Variants in DGKB observed in about 807,000 individuals in gnomAD.
The protein encoded by DGKB is diacylglycerol kinase beta.
DGKB carries 67 observed loss-of-function variants against 114.3 expected under a neutral mutation model. The observed-to-expected ratio is 0.59, with a 90% CI of 0.48 to 0.72. The LOEUF is 0.72. Among genes scored for constraint, DGKB ranks in the 30% least tolerant of loss-of-function variants. DGKB has a pLI of 0.00. For synonymous variants in DGKB, 398 were observed against 323.1 expected (o/e 1.23, Z -2.49); for missense variants, 907 against 975.2 (o/e 0.93, Z 0.93).
intron 21 of DGKB, among the ~76,000 whole-genome samples, chr7:14,466,674 T>A (rs1584161453): frequency 6.7e-6 from 1 of 149,544 alleles, no homozygotes; most frequent in Non-Finnish European, 1.5e-5. Flanking sequence ...AAAAATTAGC[T>A]GGGCATGGTG....
chr7:14,602,117 C>G (rs1803659329), intron 17 of DGKB, among the ~76,000 whole-genome samples: 1 of 152,146 alleles, frequency 6.6e-6, no homozygotes, highest in African/African-American at 2.4e-5. Flanking sequence ...GCAGCTATAA[C>G]AAACTACTTT....
intron 2 of DGKB, among the ~76,000 whole-genome samples, chr7:14,775,774 T>C (rs1202068809): frequency 6.6e-6 from 1 of 152,042 alleles, no homozygotes; most frequent in Non-Finnish European, 1.5e-5. Context: ...CTCTTTCCTT[T>C]ATAATTTGCC....
intron 20 of DGKB, among the ~76,000 whole-genome samples, chr7:14,504,590 A>C (rs1380787852): frequency 6.6e-6 from 1 of 152,196 alleles, no homozygotes; most frequent in African/African-American, 2.4e-5. Flanking sequence ...TAAAATTTTA[A>C]GCACTCTTCT....
chr7:14,427,605 T>C (rs979156064), intron 21 of DGKB, among the ~76,000 whole-genome samples: 1 of 152,138 alleles, frequency 6.6e-6, no homozygotes, highest in Non-Finnish European at 1.5e-5. Flanking sequence ...AAGAGTTTTC[T>C]TTACAGTTCC....
At chr7:14,788,714 C>G (rs1840238412) in intron 2 of DGKB, among the ~76,000 whole-genome samples, 1 of 152,156 alleles carries the variant, frequency 6.6e-6, no homozygotes, top group Non-Finnish European at 1.5e-5. Context: ...CTTTTCTTCT[C>G]ACCCTCTCTC....
intron 25 of DGKB, among the ~76,000 whole-genome samples, chr7:14,155,183 G>T (rs1022572735): frequency 1.3e-5 from 2 of 152,186 alleles, no homozygotes; most frequent in South Asian, 2.1e-4. Context: ...CTGAATAAAT[G>T]AATGAATGAA....
chr7:14,174,423 A>G (rs1781433854), intron 25 of DGKB, among the ~76,000 whole-genome samples: 2 of 152,206 alleles, frequency 1.3e-5, no homozygotes, highest in African/African-American at 4.8e-5. Flanking sequence ...AACTTTTTTT[A>G]GGATATTACC....
intron 23 of DGKB, among the ~76,000 whole-genome samples, chr7:14,255,092 C>T (rs1305738817): frequency 6.6e-6 from 1 of 152,102 alleles, no homozygotes; most frequent in Admixed American, 6.5e-5. Context: ...GACAAATGGG[C>T]ACGACAATGT....
chr7:14,520,359 C>T (rs1197161828), intron 20 of DGKB, among the ~76,000 whole-genome samples: 10 of 150,038 alleles, frequency 6.7e-5, no homozygotes, highest in East Asian at 2.0e-4. Flanking sequence ...TTATTATTTT[C>T]TTCCTTCTGC....
Position 14,965,251 on chromosome 7 carries a change from G to A in DGKB, c.-188+9445C>T, listed in dbSNP as rs566212786. Among the ~76,000 whole-genome samples the A allele has an allele frequency of 6.2e-4, 94 of 152,250 alleles. 1 individual carries two copies. Among genetic ancestry groups the A allele is most frequent in the Middle Eastern group, 3.4e-3 (1 of 294 alleles). ...TCATTTTAAAGACATAGATTTGGGA[G>A]ATGGTTGTGTACACTGTACTTTGAA... On this transcript the variant is annotated intron_variant, in intron 1 of 4. Coordinates refer to the DGKB transcript ENST00000437998.
intron 23 of DGKB, among the ~76,000 whole-genome samples, chr7:14,289,215 C>G (rs377115282): frequency 6.6e-6 from 1 of 150,444 alleles, no homozygotes; most frequent in African/African-American, 2.5e-5. Context: ...ATTGGTGACT[C>G]GTGCTTGAAA....
chr7:14,523,663 G>T (rs138024102), intron 20 of DGKB, among the ~76,000 whole-genome samples: 1 of 151,934 alleles, frequency 6.6e-6, no homozygotes, highest in Admixed American at 6.6e-5. Flanking sequence ...TAATACAAAC[G>T]TATATAATAC....
At chr7:14,852,846 G>T (rs1849593418) in intron 1 of DGKB, among the ~76,000 whole-genome samples, 1 of 152,008 alleles carries the variant, frequency 6.6e-6, no homozygotes, top group Non-Finnish European at 1.5e-5. Flanking sequence ...CCCAGCTTAA[G>T]AAAACAGAAA....
chr7:14,857,084 A>G (rs1040295505), intron 1 of DGKB, among the ~76,000 whole-genome samples: 6 of 152,182 alleles, frequency 3.9e-5, no homozygotes, highest in Admixed American at 2.0e-4. Context: ...ATTCCTAGTC[A>G]GTTGACTTTA....
intron 25 of DGKB, among the ~76,000 whole-genome samples, chr7:14,171,550 A>C (rs777688206): frequency 1.2e-4 from 18 of 152,238 alleles, no homozygotes; most frequent in Non-Finnish European, 2.1e-4. Context: ...GAAGTGGCCC[A>C]AAGAAGTTTA....
chr7:14,188,504 C>CA (rs1783795447), intron 23 of DGKB, among the ~76,000 whole-genome samples: 1 of 143,596 alleles, frequency 7.0e-6, no homozygotes, highest in Admixed American at 7.4e-5. Context: ...ACTAAAAATA[C>CA]AAAAAATTAG....
chr7:14,650,808 A>G (rs1280443471), intron 13 of DGKB, among the ~76,000 whole-genome samples: 2 of 147,626 alleles, frequency 1.4e-5, no homozygotes, highest in African/African-American at 5.0e-5. Context: ...AAAATGATAA[A>G]GGGGATATCA....
chr7:14,228,663 A>G (rs1258746285), intron 23 of DGKB, among the ~76,000 whole-genome samples: 1 of 152,038 alleles, frequency 6.6e-6, no homozygotes, highest in Non-Finnish European at 1.5e-5. Flanking sequence ...AGCAAAAGTG[A>G]AGCTGGTAGA....
chr7:14,418,231 T>C (rs868095986), intron 21 of DGKB, among the ~76,000 whole-genome samples: 2 of 135,558 alleles, frequency 1.5e-5, no homozygotes, highest in South Asian at 2.4e-4. Flanking sequence ...TATATGTACA[T>C]ATATTTTATA....
Sources: allele counts gnomAD v4.1 joint callset (sites outside exome capture counted in the v4.1 genomes callset), GRCh38; gene constraint gnomAD v4.1.1; transcripts MANE v1.5; gene names NCBI Gene and HGNC (gene_info 2026-07-23, HGNC 2026-07-21).